The following ALKBH8 variants were observed in gnomAD, a reference collection of about 807,000 sequenced individuals.
ALKBH8 encodes the protein alkB homolog 8, tRNA methyltransferase, also known as tRNA (carboxymethyluridine(34)-5-O)-methyltransferase ALKBH8.
In ALKBH8, 36 loss-of-function variants were observed where a neutral mutation model predicts 59.8. The observed-to-expected ratio is 0.60, with a 90% CI of 0.46 to 0.79. The LOEUF (loss-of-function observed/expected upper bound fraction) is 0.79, where lower values mean the gene tolerates loss of function less well. Ranked by LOEUF, ALKBH8 falls within the 30% of genes least tolerant of loss-of-function variation. The probability of loss-of-function intolerance (pLI) is 0.00; values close to 1 mark genes in which losing one functional copy is unlikely to be tolerated. For missense variants in ALKBH8, 768 were observed against 801.0 expected, an observed-to-expected ratio of 0.96 and a Z score of 0.50; for synonymous variants, 276 against 273.6, an observed-to-expected ratio of 1.01 and a Z score of -0.09.
chr11:107,536,955 G>A (rs528224703), intron 7 of ALKBH8, among the ~76,000 whole-genome samples: 1 of 152,332 alleles, frequency 6.6e-6, no homozygotes, highest in South Asian at 2.1e-4. Flanking sequence ...GTAATGCACT[G>A]GCTGTGCATC....
At chr11:107,560,721 G>A in intron 2 of ALKBH8, 44 bp downstream of exon 2, 1 of 1,540,816 alleles carries the variant, frequency 6.5e-7, no homozygotes, top group Non-Finnish European at 8.8e-7. Context: ...ACATTAACAT[G>A]TCAGTACATT....
Position 107,553,103 on chromosome 11 carries a change from C to T in ALKBH8, c.595+5G>A, listed in dbSNP as rs755417294. On this transcript the variant is annotated splice_donor_5th_base_variant and intron_variant, in intron 5 of 11. Transcript: ENST00000428149. ...AGAATTTATTATGTATTAGCAATTA[C>T]TTACCCCCAGATAATGGCTTATCTT... 2.3e-5 allele frequency: 36 copies of T among 1,556,696 alleles called. No individual in the cohort carries two copies. The African/African-American group carries it at 4.0e-4, about 17-fold the overall frequency.
chr11:107,508,070 G>T (rs1007851683), intron 11 of ALKBH8, among the ~76,000 whole-genome samples: 4 of 152,132 alleles, frequency 2.6e-5, no homozygotes, highest in African/African-American at 9.6e-5. Flanking sequence ...AATAAATGCT[G>T]CCTCCTCCAC....
chr11:107,557,025 C>A (rs1262631708), intron 2 of ALKBH8, 22 bp from the exon 3 acceptor site: 2 of 1,488,348 alleles, frequency 1.3e-6, no homozygotes, highest in Admixed American at 2.2e-5. Context: ...AACAAACAAA[C>A]AAAAAGAAAG....
chr11:107,554,221 T>C (rs1864613928), intron 3 of ALKBH8, among the ~76,000 whole-genome samples: 1 of 152,212 alleles, frequency 6.6e-6, no homozygotes, highest in Admixed American at 6.5e-5. Context: ...AAGTAGCCGG[T>C]GTGAACATGA....
intron 1 of ALKBH8, among the ~76,000 whole-genome samples, chr11:107,561,110 G>A (rs1289119909): frequency 6.6e-6 from 1 of 152,088 alleles, no homozygotes; most frequent in Non-Finnish European, 1.5e-5. Flanking sequence ...TAGCTCTGAT[G>A]GTTCTAAAAA....
chr11:107,525,426 A>C lies in ALKBH8; in HGVS notation c.1030+15T>G, dbSNP rs1237851000. ...CTGACTCCATTTTACAGACGAGATA[A>C]GAGTATATACTTACTACAGTTACAA... On this transcript the variant is annotated intron_variant, in intron 9 of 11. Coordinates refer to ENST00000428149, the MANE Select transcript of ALKBH8 (RefSeq NM_138775.3). The C allele has an allele frequency of 2.0e-6, 3 of 1,529,364 alleles. No homozygotes were observed. The highest frequency in any genetic ancestry group is 4.3e-5 in the Admixed American group (2 of 46,828). The allele number at this position is 1,529,364 out of a possible 1,614,324, so 94.7% of individuals were successfully genotyped here.
chr11:107,565,494 G>C (rs945256405), intron 1 of ALKBH8, 107 bp downstream of exon 1: 1 of 1,493,656 alleles, frequency 6.7e-7, no homozygotes, highest in Admixed American at 2.0e-5. Context: ...CCTTTCCCTA[G>C]GTTCTCAGCC....
At chr11:107,550,736 CTTAAA>C (rs1271223550) in intron 6 of ALKBH8, among the ~76,000 whole-genome samples, 1 of 152,176 alleles carries the variant, frequency 6.6e-6, no homozygotes. Context: ...TAATAAAACC[CTTAAA>C]TTAAAGACGT....
intron 8 of ALKBH8, among the ~76,000 whole-genome samples, chr11:107,527,431 C>G (rs1010527058): frequency 6.6e-6 from 1 of 151,918 alleles, no homozygotes; most frequent in African/African-American, 2.4e-5. Context: ...AAACGTCGAC[C>G]TAAGATGGAT....
At chr11:107,538,210 T>C (rs1418359117) in intron 7 of ALKBH8, among the ~76,000 whole-genome samples, 2 of 140,458 alleles carry the variant, frequency 1.4e-5, no homozygotes, top group Non-Finnish European at 3.1e-5. Flanking sequence ...TGGCATATAA[T>C]TTGACAGTAT....
chr11:107,504,821 A>C lies in ALKBH8; in HGVS notation c.1832T>G (p.Phe611Cys). The C allele has an allele frequency of 6.4e-7, 1 of 1,551,828 alleles. No individual in the cohort carries two copies. Among genetic ancestry groups the C allele is most frequent in the Non-Finnish European group, 8.7e-7 (1 of 1,147,014 alleles). Residue 611 changes from phenylalanine to cysteine, a missense_variant, in exon 12 of 12, where the codon TTT becomes TGT. By Grantham distance (205) the Phe-to-Cys change is radical. Coordinates refer to ENST00000428149, the MANE Select transcript of ALKBH8 (RefSeq NM_138775.3). ...TGGGTCCTGGGATCCTATGGGACCA[A>C]ATGGCTCAACAGGTTTGCCTTTATC... Reference protein sequence around the residue: ...NPDKGKPVEPFGPIGSQDPSP... With the variant: ...NPDKGKPVEPCGPIGSQDPSP...
rs532386474 is a variant in ALKBH8 at position 107,552,978 on chromosome 11, G to A, written c.595+130C>T. 16 of 575,910 alleles carry A rather than the reference G, an allele frequency of 2.8e-5. No homozygotes were observed. The African/African-American group carries it at 2.9e-4, about 10-fold the overall frequency. 35.7% of individuals were successfully genotyped at this position (575,910 alleles called of 1,614,324 possible). On this transcript the variant is annotated intron_variant, in intron 5 of 11. Transcript: ENST00000428149. ...AAACTATACAATTTATCTAATTAAA[G>A]TGTTTTAAATAAACTGTTCAGAAAG...
At chr11:107,528,218 A>T (rs914768941) in intron 8 of ALKBH8, among the ~76,000 whole-genome samples, 1 of 152,012 alleles carries the variant, frequency 6.6e-6, no homozygotes, top group Non-Finnish European at 1.5e-5. Context: ...ATGTTCTGTT[A>T]TGGGTTTTCT....
rs576867977 is a variant in ALKBH8 at position 107,510,956 on chromosome 11, T to G, written c.1368A>C (p.Ala456=). The change falls in exon 11 of 12, where the codon GCA becomes GCC. Residue 456 remains alanine (A), a synonymous_variant. Transcript: ENST00000428149. The part of the protein sequence containing the change: ...QFQAFVCDAL[A]VPVRSGSCDA... Reference sequence around the variant, plus strand: ...CACAAGACCCACTGCGGACTGGTACTGCCAATGCATCACAGACAAAAGCCT... The same window carrying G: ...CACAAGACCCACTGCGGACTGGTACGGCCAATGCATCACAGACAAAAGCCT... 14 of 1,551,880 alleles carry G rather than the reference T, an allele frequency of 9.0e-6. No individual in the cohort carries two copies. In the East Asian group the frequency reaches 3.4e-4, roughly 38 times the overall value.
chr11:107,555,531 A>C (rs73555508), intron 3 of ALKBH8, among the ~76,000 whole-genome samples: 2,031 of 152,362 alleles, frequency 0.013, 38 homozygotes, highest in African/African-American at 0.046. Flanking sequence ...GTAAAACATG[A>C]GGATAATCTA....
intron 1 of ALKBH8, chr11:107,565,241 C>T (rs1217439824): frequency 8.9e-6 from 3 of 337,420 alleles, no homozygotes; most frequent in Non-Finnish European, 1.1e-5. Flanking sequence ...ATCATCAGCA[C>T]TGCCTTTGCA....
intron 6 of ALKBH8, 27 bp from the exon 7 acceptor site, chr11:107,549,850 C>T (rs904594005): frequency 2.0e-6 from 3 of 1,483,300 alleles, no homozygotes; most frequent in Admixed American, 4.0e-5. Flanking sequence ...GACAACACGT[C>T]ACTTCATTTT....
chr11:107,504,762 G>T lies in ALKBH8; in HGVS notation c.1891C>A (p.Arg631Ser). ...CAGGCACCTTCCAGTTCTCCCTCAC[G>T]GAACACATGGTAGTAACGATGAAAC... Reference protein sequence around the residue: ...PVFHRYYHVFREGELEGACRT... With the variant: ...PVFHRYYHVFSEGELEGACRT... Residue 631 changes from arginine to serine, a missense_variant, in exon 12 of 12, where the codon CGT becomes AGT. Arg to Ser is a moderately radical substitution (Grantham distance 110). Coordinates refer to ENST00000428149, the MANE Select transcript of ALKBH8 (RefSeq NM_138775.3). 1 of 1,551,934 alleles carries T rather than the reference G, an allele frequency of 6.4e-7. No individual in the cohort carries two copies. The highest frequency in any genetic ancestry group is 8.7e-7 in the Non-Finnish European group (1 of 1,147,032).
Sources: allele counts gnomAD v4.1 joint callset (sites outside exome capture counted in the v4.1 genomes callset), GRCh38; gene constraint gnomAD v4.1.1; transcripts MANE v1.5; gene names NCBI Gene and HGNC (gene_info 2026-07-23, HGNC 2026-07-21).